The following HECTD4 variants were observed in gnomAD, a reference collection of about 807,000 sequenced individuals.
HECTD4 encodes the protein probable E3 ubiquitin-protein ligase HECTD4.
Under a neutral mutation model 471.5 loss-of-function variants are expected in HECTD4, and 114 were observed. That is an observed-to-expected ratio of 0.24 (90% CI 0.21 to 0.28). The LOEUF is 0.28. Among genes scored for constraint, HECTD4 ranks in the 10% least tolerant of loss-of-function variants. HECTD4 has a pLI of 1.00. For synonymous variants in HECTD4, 2,012 were observed against 2,256.0 expected (o/e 0.89, Z 3.07); for missense variants, 3,866 against 5,651.5 (o/e 0.68, Z 10.13).
At chr12:112,309,430 A>G in intron 5 of HECTD4, 131 bp downstream of exon 5, 1 of 510,738 alleles carries the variant, frequency 2.0e-6, no homozygotes, top group Non-Finnish European at 3.4e-6. Flanking sequence ...AATTATTTGA[A>G]TTAGTTCAGA....
chr12:112,176,577 G>A lies in HECTD4; in HGVS notation c.11470+19C>T. On this transcript the variant is annotated intron_variant, in intron 65 of 75. Coordinates refer to ENST00000682272, the MANE Select transcript of HECTD4 (RefSeq NM_001388303.1). ...GGAAGTAGGTCCCAGCCCACTCCAGGCCCCGTCTGCTCATTCACCTTCTTG... is the reference window on the plus strand; with the variant it reads ...GGAAGTAGGTCCCAGCCCACTCCAGACCCCGTCTGCTCATTCACCTTCTTG... 2.6e-6 allele frequency: 4 copies of A among 1,560,514 alleles called. No homozygotes were observed. The highest frequency in any genetic ancestry group is 3.5e-6 in the Non-Finnish European group (4 of 1,131,184).
chr12:112,374,310 T>A lies in HECTD4; in HGVS notation c.177+7642A>T, dbSNP rs572502753. Among the ~76,000 whole-genome samples the A allele has an allele frequency of 2.6e-5, 4 of 152,146 alleles. No homozygotes were observed. The East Asian group carries it at 7.7e-4, about 29-fold the overall frequency. On this transcript the variant is annotated intron_variant, in intron 1 of 75. Transcript: ENST00000682272. ...CACTGCTCTCCAGCCAGTGACAGAG[T>A]GAGAACCTGTCTCTAGAAAAATATG...
At chr12:112,180,354 C>T (rs2031621537) in intron 62 of HECTD4, among the ~76,000 whole-genome samples, 2 of 152,078 alleles carry the variant, frequency 1.3e-5, no homozygotes, top group Non-Finnish European at 2.9e-5. Context: ...TCAAGACCAG[C>T]CTGGGCAATA....
At chr12:112,280,826 C>T (rs1439959649) in intron 8 of HECTD4, among the ~76,000 whole-genome samples, 2 of 125,146 alleles carry the variant, frequency 1.6e-5, no homozygotes, top group South Asian at 2.5e-4. Flanking sequence ...TCACTGTTGT[C>T]TGCCTGGGCT....
chr12:112,208,359 G>T (rs1351202582), intron 51 of HECTD4, 135 bp downstream of exon 51: 12 of 894,464 alleles, frequency 1.3e-5, no homozygotes, highest in Non-Finnish European at 1.9e-5. Context: ...CACTGTTCAA[G>T]CACAATGATG....
chr12:112,318,653 C>T (rs889393986), intron 2 of HECTD4, among the ~76,000 whole-genome samples: 1 of 152,146 alleles, frequency 6.6e-6, no homozygotes, highest in Non-Finnish European at 1.5e-5. Context: ...GGATTACAAG[C>T]GTGAGCCACC....
intron 52 of HECTD4, among the ~76,000 whole-genome samples, chr12:112,205,830 G>A (rs1593928284): frequency 6.6e-6 from 1 of 152,124 alleles, no homozygotes; most frequent in Non-Finnish European, 1.5e-5. Flanking sequence ...CTGACCTCAA[G>A]TGATCCGCCT....
chr12:112,184,328 C>A lies in HECTD4; in HGVS notation c.10638G>T (p.Leu3546=), dbSNP rs1167754361. 1.2e-6 allele frequency: 2 copies of A among 1,612,992 alleles called. No individual in the cohort carries two copies. Among genetic ancestry groups the A allele is most frequent in the Admixed American group, 3.3e-5 (2 of 59,966 alleles). The change falls in exon 61 of 76, where the codon CTG becomes CTT. Residue 3546 remains leucine (L), a synonymous_variant. Transcript: ENST00000682272. This position sits in a 1 kb window ranked among gnomAD's most constrained non-coding sequence, Gnocchi z 9.1. ...LDISLCSTGS[L]GSLGSLGEPL... Reference sequence around the variant, plus strand: ...GCTCCCCCAGGCTGCCCAGGCTGCCCAGGCTGCCGGTGCTGCACAGGGAAA... The same window carrying A: ...GCTCCCCCAGGCTGCCCAGGCTGCCAAGGCTGCCGGTGCTGCACAGGGAAA...
intron 7 of HECTD4, chr12:112,302,511 G>T: frequency 1.4e-6 from 1 of 734,978 alleles, no homozygotes; most frequent in Non-Finnish European, 2.5e-6. Context: ...ATTTCACAAA[G>T]TAGGTGAGTT....
intron 39 of HECTD4, chr12:112,231,162 C>T: frequency 2.3e-6 from 1 of 439,012 alleles, no homozygotes; most frequent in Non-Finnish European, 4.1e-6. Context: ...GCTGCTTCTG[C>T]TCCTAGAAAG....
At chr12:112,350,814 TTC>T (rs2036236782) in intron 1 of HECTD4, among the ~76,000 whole-genome samples, 1 of 152,240 alleles carries the variant, frequency 6.6e-6, no homozygotes, top group African/African-American at 2.4e-5. Flanking sequence ...GGCCACACAA[TTC>T]ACTACACTTT....
chr12:112,252,550 G>A (rs1271300679), intron 22 of HECTD4, 22 bp from the exon 23 acceptor site: 1 of 1,594,208 alleles, frequency 6.3e-7, no homozygotes, highest in South Asian at 1.1e-5. Flanking sequence ...AGGAAGGGGG[G>A]GAAATGCACT....
At chr12:112,325,136 ATTAAC>A (rs1398464854) in intron 1 of HECTD4, among the ~76,000 whole-genome samples, 27 of 152,300 alleles carry the variant, frequency 1.8e-4, no homozygotes, top group East Asian at 1.2e-3. Flanking sequence ...AACTCCAAAT[ATTAAC>A]TTAATATAGC....
At chr12:112,262,515 CAAAAAAAA>C (rs758273849) in intron 17 of HECTD4, among the ~76,000 whole-genome samples, 5 of 19,762 alleles carry the variant, frequency 2.5e-4, no homozygotes, top group East Asian at 3.0e-3. Flanking sequence ...GACTCCATCT[CAAAAAAAA>C]AAAAAAAAAA....
chr12:112,217,131 G>A lies in HECTD4; in HGVS notation c.7139C>T (p.Ser2380Phe), dbSNP rs775161944. Residue 2380 changes from serine to phenylalanine, a missense_variant, in exon 46 of 76, where the codon TCT becomes TTT. By Grantham distance (155) the Ser-to-Phe change is radical. This residue lies in a region of HECTD4 where 617 missense variants were observed against 915.1 expected (regional missense o/e 0.67). Coordinates refer to ENST00000682272, the MANE Select transcript of HECTD4 (RefSeq NM_001388303.1). ...FPPVRACMFSSHLTSVTFLAD... is the reference protein window; with the variant it reads ...FPPVRACMFSFHLTSVTFLAD... ...CAGGAAGGTGACTGAGGTAAGGTGA[G>A]ATGAGAACATGCAGGCTCGAACAGG... The A allele has an allele frequency of 1.1e-5, 17 of 1,590,378 alleles. No individual in the cohort carries two copies. In the Admixed American group the frequency reaches 1.6e-4, roughly 15 times the overall value.
chr12:112,190,239 T>C (rs893952477), intron 60 of HECTD4, among the ~76,000 whole-genome samples: 9 of 152,236 alleles, frequency 5.9e-5, no homozygotes. Flanking sequence ...TCTTAGTTTT[T>C]GATTATTTCA....
At chr12:112,337,482 T>G (rs1203456926) in intron 1 of HECTD4, among the ~76,000 whole-genome samples, 1 of 152,204 alleles carries the variant, frequency 6.6e-6, no homozygotes, top group African/African-American at 2.4e-5. Context: ...AAAAAGATTT[T>G]GTATGATGGC....
At chr12:112,227,202 G>A (rs1472358625) in intron 43 of HECTD4, among the ~76,000 whole-genome samples, 1 of 152,212 alleles carries the variant, frequency 6.6e-6, no homozygotes, top group African/African-American at 2.4e-5. Flanking sequence ...GCTCACGCCT[G>A]TAATCCCAGC....
chr12:112,316,823 T>C lies in HECTD4; in HGVS notation c.696-2277A>G, dbSNP rs115786402. On this transcript the variant is annotated intron_variant, in intron 2 of 75. Transcript: ENST00000682272. Reference sequence around the variant, plus strand: ...CACATGACTTCTGAAGTCCAGAACATGATATTGGCAATAAAATGTAGGAAC... The same window carrying C: ...CACATGACTTCTGAAGTCCAGAACACGATATTGGCAATAAAATGTAGGAAC... 2.7e-3 allele frequency among the ~76,000 whole-genome samples: 406 copies of C among 150,456 alleles called. 5 individuals carry two copies. Among genetic ancestry groups the C allele is most frequent in the African/African-American group, 9.7e-3 (397 of 40,890 alleles).
Sources: allele counts gnomAD v4.1 joint callset (sites outside exome capture counted in the v4.1 genomes callset), GRCh38; gene constraint gnomAD v4.1.1; regional missense constraint gnomAD v4.1.1; non-coding constraint Gnocchi (gnomAD v3.1); transcripts MANE v1.5; gene names NCBI Gene and HGNC (gene_info 2026-07-23, HGNC 2026-07-21).